XKR5: variants seen among roughly 807,000 people sequenced by gnomAD.
XKR5 encodes XK-related protein 5.
A neutral mutation model predicts 40.8 loss-of-function variants in XKR5; 46 were observed. The observed-to-expected ratio is 1.13, with a 90% confidence interval of 0.89 to 1.44. The LOEUF (loss-of-function observed/expected upper bound fraction) is 1.44, where lower values mean the gene tolerates loss of function less well. XKR5 is among the 40% of genes most tolerant of loss of function. The pLI, the probability that XKR5 is intolerant of heterozygous loss-of-function variation, is 0.00. For synonymous variants in XKR5, 466 were observed against 356.1 expected, an observed-to-expected ratio of 1.31 and a Z score of -3.48; for missense variants, 1,169 against 844.7, an observed-to-expected ratio of 1.38 and a Z score of -4.76.
At chr8:6,822,104 A>G in intron 4 of XKR5, 66 bp from the exon 5 acceptor site, 1 of 1,484,228 alleles carries the variant, frequency 6.7e-7, no homozygotes, top group Non-Finnish European at 9.0e-7. Context: ...GCAAGGACAC[A>G]GAGACCAGGG....
intron 3 of XKR5, among the ~76,000 whole-genome samples, chr8:6,824,894 G>A (rs1329011815): frequency 1.3e-5 from 2 of 152,114 alleles, no homozygotes; most frequent in East Asian, 3.9e-4. Context: ...GTCTTTCCAA[G>A]GCATTTTGAG....
rs1205271386 is a variant in XKR5 at position 6,834,517 on chromosome 8, G to GTCC, written c.58+916_58+918dup. 8.5e-5 allele frequency among the ~76,000 whole-genome samples: 13 copies of GTCC among 152,250 alleles called. 1 individual carries two copies. In the East Asian group the frequency reaches 1.3e-3, roughly 16 times the overall value. On this transcript the variant is annotated intron_variant, in intron 1 of 6. Coordinates refer to ENST00000618742, the MANE Select transcript of XKR5 (RefSeq NM_207411.5). ...CTGGGGTGGGTGCCGACCCCCGCAG[G>GTCC]TCCTGTCTCAGCCCTTCCAGTCCGG...
chr8:6,832,039 A>G (rs1463275938), intron 2 of XKR5, among the ~76,000 whole-genome samples: 4 of 135,954 alleles, frequency 2.9e-5, no homozygotes, highest in African/African-American at 1.1e-4. Context: ...AAAAAAACAA[A>G]CCTAACAACC....
intron 2 of XKR5, among the ~76,000 whole-genome samples, chr8:6,828,010 A>T (rs1278380380): frequency 6.6e-6 from 1 of 152,154 alleles, no homozygotes; most frequent in Non-Finnish European, 1.5e-5. Flanking sequence ...CAAGGCTGCA[A>T]GTGAGCCATA....
chr8:6,833,188 C>T (rs942589383), intron 1 of XKR5, among the ~76,000 whole-genome samples: 4 of 152,220 alleles, frequency 2.6e-5, no homozygotes, highest in Non-Finnish European at 4.4e-5. Flanking sequence ...TTAATCATCC[C>T]AGGGCCCAGT....
rs1442655333 is a variant in XKR5, at chr8:6,817,984, C to CCACA, written c.808-2067_808-2066insTGTG. ...TTTTTGTAAATTTCCACTTCCCTGTCTCTGGCCAAGCCCCCGGATGTTCCT... is the reference window on the plus strand; with the variant it reads ...TTTTTGTAAATTTCCACTTCCCTGTCCACATCTGGCCAAGCCCCCGGATGTTCCT... On this transcript the variant is annotated intron_variant, in intron 5 of 6. Coordinates refer to ENST00000618742, the MANE Select transcript of XKR5 (RefSeq NM_207411.5). Among the ~76,000 whole-genome samples the CCACA allele has an allele frequency of 3.9e-5, 6 of 152,348 alleles. No homozygotes were observed. The East Asian group carries it at 9.7e-4, about 25-fold the overall frequency.
At chr8:6,822,099 G>C in intron 4 of XKR5, 61 bp from the exon 5 acceptor site, 33 of 1,497,298 alleles carry the variant, frequency 2.2e-5, no homozygotes, top group Non-Finnish European at 3.0e-5. Context: ...GACAGGCAAG[G>C]ACACAGAGAC....
chr8:6,830,452 T>C (rs1242896516), intron 2 of XKR5, among the ~76,000 whole-genome samples: 3 of 152,190 alleles, frequency 2.0e-5, no homozygotes, highest in African/African-American at 7.2e-5. Context: ...TAAATTTCTG[T>C]TTTTTGGTTC....
At chr8:6,830,715 T>C (rs2741089) in intron 2 of XKR5, among the ~76,000 whole-genome samples, 34,259 of 152,148 alleles carry the variant, frequency 0.23, 4,373 homozygotes, top group Non-Finnish European at 0.29. Flanking sequence ...TGACTAATGG[T>C]TTTTCCTAAT....
Position 6,821,858 on chromosome 8 carries a change from G to C in XKR5, c.807+11C>G. On this transcript the variant is annotated intron_variant, in intron 5 of 6. Coordinates refer to ENST00000618742, the MANE Select transcript of XKR5 (RefSeq NM_207411.5). Reference sequence around the variant, plus strand: ...ACTGTAAAAGTTAGGATAAAGAAAAGTGCCACTTGCCATGTAGAACGTGAC... The same window carrying C: ...ACTGTAAAAGTTAGGATAAAGAAAACTGCCACTTGCCATGTAGAACGTGAC... The C allele has an allele frequency of 1.2e-6, 2 of 1,611,472 alleles. No homozygotes were observed. The highest frequency in any genetic ancestry group is 1.7e-5 in the Admixed American group (1 of 59,718).
intron 3 of XKR5, among the ~76,000 whole-genome samples, 179 bp from the exon 4 acceptor site, chr8:6,823,909 C>G (rs1006190920): frequency 6.6e-6 from 1 of 152,214 alleles, no homozygotes; most frequent in Non-Finnish European, 1.5e-5. Context: ...AACTCTATGT[C>G]CAAATACACC....
chr8:6,818,367 T>A (rs1438532988), intron 5 of XKR5, among the ~76,000 whole-genome samples: 2 of 152,208 alleles, frequency 1.3e-5, no homozygotes, highest in African/African-American at 2.4e-5. Flanking sequence ...CTGTAGGGTT[T>A]TGATAGCGTC....
chr8:6,814,603 C>T (rs370953477), intron 6 of XKR5, among the ~76,000 whole-genome samples: 2 of 152,134 alleles, frequency 1.3e-5, no homozygotes, highest in East Asian at 3.9e-4. Flanking sequence ...GAGATATTAC[C>T]ACTGGGGGAA....
chr8:6,824,575 G>C (rs1353566042), intron 3 of XKR5, among the ~76,000 whole-genome samples: 1 of 152,060 alleles, frequency 6.6e-6, no homozygotes, highest in Admixed American at 6.5e-5. Flanking sequence ...CTGTCACCTG[G>C]ACTGGAATGC....
chr8:6,834,979 G>C (rs1563368075), intron 1 of XKR5, among the ~76,000 whole-genome samples: 1 of 152,172 alleles, frequency 6.6e-6, no homozygotes, highest in Admixed American at 6.5e-5. Context: ...CCTCCAAGTC[G>C]CAGGGTCCCC....
chr8:6,811,147 A>G lies in XKR5; in HGVS notation c.*51T>C. ...TGGGATTTCCTTTCTCACGGTACCAAATGGCCAGCTTGGTTTGTCAGCCTG... is the reference window on the plus strand; with the variant it reads ...TGGGATTTCCTTTCTCACGGTACCAGATGGCCAGCTTGGTTTGTCAGCCTG... On this transcript the variant is annotated 3_prime_UTR_variant, in exon 7 of 7. Coordinates refer to ENST00000618742, the MANE Select transcript of XKR5 (RefSeq NM_207411.5). 1 of 1,485,180 alleles carries G rather than the reference A, an allele frequency of 6.7e-7. No homozygotes were observed. The highest frequency in any genetic ancestry group is 9.0e-7 in the Non-Finnish European group (1 of 1,117,174). The allele number at this position is 1,485,180 out of a possible 1,614,324, so 92.0% of individuals were successfully genotyped here.
At chr8:6,814,427 A>C (rs1803870198) in intron 6 of XKR5, among the ~76,000 whole-genome samples, 1 of 152,128 alleles carries the variant, frequency 6.6e-6, no homozygotes, top group Admixed American at 6.5e-5. Flanking sequence ...CAAGTGATAG[A>C]ATAATAGAAA....
At chr8:6,827,171 C>A (rs755087018) in intron 2 of XKR5, among the ~76,000 whole-genome samples, 1 of 152,146 alleles carries the variant, frequency 6.6e-6, no homozygotes, top group Non-Finnish European at 1.5e-5. Flanking sequence ...GGTCAGATTT[C>A]GCCACCACCC....
At position 6,826,511 on chromosome 8, in the gene XKR5, G is replaced by C. The variant is rs542433426; in HGVS notation, c.243-1162C>G. ...GATCAGGATTTGATGACTGAACAGGGGAGATGAGGGAAGTTGCAGTGGCTT... is the reference window on the plus strand; with the variant it reads ...GATCAGGATTTGATGACTGAACAGGCGAGATGAGGGAAGTTGCAGTGGCTT... On this transcript the variant is annotated intron_variant, in intron 2 of 6. Coordinates refer to ENST00000618742, the MANE Select transcript of XKR5 (RefSeq NM_207411.5). Among the ~76,000 whole-genome samples the C allele has an allele frequency of 9.2e-5, 14 of 152,264 alleles. No individual in the cohort carries two copies. The South Asian group carries it at 2.9e-3, about 32-fold the overall frequency.
Sources: allele counts gnomAD v4.1 joint callset (sites outside exome capture counted in the v4.1 genomes callset), GRCh38; gene constraint gnomAD v4.1.1; transcripts MANE v1.5; gene names NCBI Gene and HGNC (gene_info 2026-07-23, HGNC 2026-07-21).